Variants in DBNDD1 observed in about 807,000 individuals in gnomAD.
The protein encoded by DBNDD1 is dysbindin domain-containing protein 1.
DBNDD1 carries 14 observed loss-of-function variants against 17.0 expected under a neutral mutation model. The observed-to-expected ratio is 0.82, with a 90% CI of 0.54 to 1.29. The LOEUF (loss-of-function observed/expected upper bound fraction) is 1.29, where lower values mean the gene tolerates loss of function less well. Ranked by LOEUF, DBNDD1 falls within the 50% of genes most tolerant of loss-of-function variation. The probability of loss-of-function intolerance (pLI) is 0.00; values close to 1 mark genes in which losing one functional copy is unlikely to be tolerated. For synonymous variants in DBNDD1, 105 were observed against 102.0 expected, an observed-to-expected ratio of 1.03 and a Z score of -0.18; for missense variants, 221 against 216.2, an observed-to-expected ratio of 1.02 and a Z score of -0.14.
intron 1 of DBNDD1, among the ~76,000 whole-genome samples, chr16:90,017,208 C>G (rs2035654423): frequency 6.6e-6 from 1 of 152,200 alleles, no homozygotes; most frequent in Non-Finnish European, 1.5e-5. Context: ...TATAAAAATC[C>G]TATTTTGCCG....
intron 1 of DBNDD1, among the ~76,000 whole-genome samples, chr16:90,016,658 G>C (rs2151265652): frequency 6.6e-6 from 1 of 152,218 alleles, no homozygotes; most frequent in East Asian, 1.9e-4. Flanking sequence ...CCTCAGCCCG[G>C]CCCCCCAGGC....
intron 1 of DBNDD1, among the ~76,000 whole-genome samples, chr16:90,010,507 A>C (rs562340390): frequency 2.7e-5 from 4 of 147,882 alleles, no homozygotes; most frequent in Non-Finnish European, 4.4e-5. Flanking sequence ...AGCTGGGACT[A>C]CAGGTGCCCG....
At chr16:90,011,143 C>T (rs1167774643) in intron 1 of DBNDD1, among the ~76,000 whole-genome samples, 1 of 152,220 alleles carries the variant, frequency 6.6e-6, no homozygotes, top group Non-Finnish European at 1.5e-5. Flanking sequence ...TTTTGGCAGC[C>T]CCCAGCGGTG....
chr16:90,008,743 A>C (rs2035489076), intron 3 of DBNDD1, 41 bp downstream of exon 3: 1 of 1,572,064 alleles, frequency 6.4e-7, no homozygotes, highest in Non-Finnish European at 8.6e-7. Context: ...GCCTCAGCCC[A>C]CCAGGCACAC....
chr16:90,016,795 C>T (rs763265601), intron 1 of DBNDD1, among the ~76,000 whole-genome samples: 3 of 152,314 alleles, frequency 2.0e-5, no homozygotes, highest in South Asian at 2.1e-4. Context: ...TCCAGAGCAT[C>T]GAGGAGGCAC....
intron 1 of DBNDD1, chr16:90,011,556 G>A (rs1030070833): frequency 3.8e-5 from 16 of 422,352 alleles, no homozygotes; most frequent in East Asian, 7.3e-5. Flanking sequence ...CCCGTCGGCC[G>A]TGTGGTCATT....
chr16:90,005,918 T>C lies in DBNDD1; in HGVS notation c.*417A>G. On this transcript the variant is annotated 3_prime_UTR_variant, in exon 4 of 4. Transcript: ENST00000002501. ...GCGGAGGTTGGAGCACCCCCAGGAG[T>C]TCCTGGAGTGGCTGTCACAGGCCTG... The C allele has an allele frequency of 5.7e-6, 1 of 174,926 alleles. No individual in the cohort carries two copies. Among genetic ancestry groups the C allele is most frequent in the Non-Finnish European group, 1.2e-5 (1 of 80,042 alleles). 10.8% of individuals were successfully genotyped at this position (174,926 alleles called of 1,614,324 possible).
Position 90,019,424 on chromosome 16 carries a change from G to T in DBNDD1, c.-83C>A. On this transcript the variant is annotated 5_prime_UTR_variant, in exon 1 of 4. Coordinates refer to ENST00000002501, the MANE Select transcript of DBNDD1 (RefSeq NM_001042610.3). This position sits in a 1 kb window ranked among gnomAD's most constrained non-coding sequence, Gnocchi z 6.1. ...CCCCAACAGCTGCGGCAGCGACTCG[G>T]CCCCGGCTCCGGGCGCAGCGCATCG... 1 of 887,400 alleles carries T rather than the reference G, an allele frequency of 1.1e-6. No homozygotes were observed. Among genetic ancestry groups the T allele is most frequent in the East Asian group, 4.4e-5 (1 of 22,670 alleles). The allele number at this position is 887,400 out of a possible 1,614,324, so 55.0% of individuals were successfully genotyped here. A position where few individuals can be genotyped will look rare whatever the true frequency, so the allele number is the denominator to read the frequency against.
rs1327809964 is a variant in DBNDD1, at chr16:90,006,066, G to C, written c.*269C>G. 2.3e-6 allele frequency: 1 copy of C among 442,010 alleles called. No homozygotes were observed. The highest frequency in any genetic ancestry group is 3.3e-5 in the Admixed American group (1 of 30,272). The allele number at this position is 442,010 out of a possible 1,614,324, so 27.4% of individuals were successfully genotyped here. Reference sequence around the variant, plus strand: ...AACGAGCTGGACGTAAGGCCACTGGGCTGTGCTTGTGCTGGGGCTCCCAGA... The same window carrying C: ...AACGAGCTGGACGTAAGGCCACTGGCCTGTGCTTGTGCTGGGGCTCCCAGA... On this transcript the variant is annotated 3_prime_UTR_variant, in exon 4 of 4. Coordinates refer to ENST00000002501, the MANE Select transcript of DBNDD1 (RefSeq NM_001042610.3).
At chr16:90,018,631 G>A (rs1240822390) in intron 1 of DBNDD1, among the ~76,000 whole-genome samples, 1 of 152,236 alleles carries the variant, frequency 6.6e-6, no homozygotes, top group Non-Finnish European at 1.5e-5. Context: ...AAGGGGGGAG[G>A]TTCTGAGAGC....
intron 1 of DBNDD1, among the ~76,000 whole-genome samples, chr16:90,012,409 C>G (rs2035569146): frequency 6.6e-6 from 1 of 152,056 alleles, no homozygotes; most frequent in Admixed American, 6.5e-5. Flanking sequence ...AGCTCCACCT[C>G]TGTCCCTCCC....
At chr16:90,014,558 T>C (rs911486163) in intron 1 of DBNDD1, among the ~76,000 whole-genome samples, 5 of 152,000 alleles carry the variant, frequency 3.3e-5, no homozygotes, top group Admixed American at 2.6e-4. Flanking sequence ...CTTCCCCATC[T>C]TGCACTGGAG....
In DBNDD1 at chr16:90,006,498, G is replaced by C; in HGVS notation, c.320-6C>G. 6.3e-7 allele frequency: 1 copy of C among 1,595,342 alleles called. No individual in the cohort carries two copies. Among genetic ancestry groups the C allele is most frequent in the Middle Eastern group, 2.1e-4 (1 of 4,818 alleles). On this transcript the variant is annotated splice_region_variant and splice_polypyrimidine_tract_variant and intron_variant, in intron 3 of 3. Transcript: ENST00000002501. ...CCGGGGCAGCGGGTGCAGACCTAGGGGCATGCGGGAAGGGGAACTCGGTGT... is the reference window on the plus strand; with the variant it reads ...CCGGGGCAGCGGGTGCAGACCTAGGCGCATGCGGGAAGGGGAACTCGGTGT...
intron 1 of DBNDD1, chr16:90,010,351 T>C: frequency 4.9e-6 from 1 of 205,390 alleles, no homozygotes. Flanking sequence ...TCATTTTTTT[T>C]CACAAACGTA....
intron 1 of DBNDD1, among the ~76,000 whole-genome samples, chr16:90,012,283 C>T (rs762685325): frequency 1.3e-5 from 2 of 152,204 alleles, no homozygotes; most frequent in Admixed American, 1.3e-4. Context: ...AGGCCCTGCT[C>T]TCAGGATCCC....
At chr16:90,009,023 G>A (rs2151260958) in intron 2 of DBNDD1, 99 bp from the exon 3 acceptor site, 1 of 1,415,452 alleles carries the variant, frequency 7.1e-7, no homozygotes, top group Non-Finnish European at 9.3e-7. Context: ...CTCCCACAAG[G>A]CTGTGGGTGA....
chr16:90,012,273 A>G (rs1301239449), intron 1 of DBNDD1, among the ~76,000 whole-genome samples: 1 of 152,152 alleles, frequency 6.6e-6, no homozygotes, highest in Non-Finnish European at 1.5e-5. Context: ...ACCGGCCAGG[A>G]GGCCCTGCTC....
chr16:90,015,230 C>G (rs1351735334), intron 1 of DBNDD1, among the ~76,000 whole-genome samples: 3 of 152,080 alleles, frequency 2.0e-5, no homozygotes, highest in Non-Finnish European at 4.4e-5. Context: ...TTGGAAGATG[C>G]AGCTTCTGCC....
chr16:90,014,258 C>T (rs2031232005), intron 1 of DBNDD1, among the ~76,000 whole-genome samples: 1 of 151,984 alleles, frequency 6.6e-6, no homozygotes, highest in African/African-American at 2.4e-5. Flanking sequence ...TCCCAAGTAG[C>T]TGGGATTACA....
Sources: allele counts gnomAD v4.1 joint callset (sites outside exome capture counted in the v4.1 genomes callset), GRCh38; gene constraint gnomAD v4.1.1; non-coding constraint Gnocchi (gnomAD v3.1); transcripts MANE v1.5; gene names NCBI Gene and HGNC (gene_info 2026-07-23, HGNC 2026-07-21).